Variants in PDE4B observed in about 807,000 individuals in gnomAD.
PDE4B encodes the protein 3',5'-cyclic-AMP phosphodiesterase 4B.
A neutral mutation model predicts 82.2 loss-of-function variants in PDE4B; 20 were observed. The ratio of observed to expected loss-of-function variants is 0.24; its 90% confidence interval spans 0.17 to 0.35. PDE4B has a LOEUF of 0.35. PDE4B is among the 10% of genes least tolerant of loss of function. The pLI is 1.00. For synonymous variants in PDE4B, 320 were observed against 318.9 expected, an observed-to-expected ratio of 1.00 and a Z score of -0.04; for missense variants, 655 against 907.2, an observed-to-expected ratio of 0.72 and a Z score of 3.57.
intron 1 of PDE4B, among the ~76,000 whole-genome samples, chr1:65,904,813 C>G (rs1275313482): frequency 6.6e-6 from 1 of 152,072 alleles, no homozygotes; most frequent in Non-Finnish European, 1.5e-5. Flanking sequence ...CAGAATTCTC[C>G]CCTGCAAAAT....
At chr1:65,855,996 A>G (rs1646388371) in intron 1 of PDE4B, among the ~76,000 whole-genome samples, 1 of 152,108 alleles carries the variant, frequency 6.6e-6, no homozygotes, top group African/African-American at 2.4e-5. Context: ...GGGAGACTAC[A>G]TGTGGGCTCA....
intron 8 of PDE4B, among the ~76,000 whole-genome samples, chr1:66,353,054 C>G (rs1487501637): frequency 1.3e-5 from 2 of 152,210 alleles, no homozygotes; most frequent in Non-Finnish European, 2.9e-5. Context: ...TCTTCAGCTT[C>G]TGAGTCTTCA....
Position 65,866,614 on chromosome 1 carries a change from G to A in PDE4B, c.-70-46631G>A, listed in dbSNP as rs531145881. Among the ~76,000 whole-genome samples, 230 of 152,168 alleles carry A rather than the reference G, an allele frequency of 1.5e-3. 1 individual carries two copies. The highest frequency in any genetic ancestry group is 5.4e-3 in the African/African-American group (226 of 41,500). ...GAATCCTAAAATATTACTAGGTCAC[G>A]TAAAGCTACCAACAGCAATAATACC... On this transcript the variant is annotated intron_variant, in intron 1 of 16. Transcript: ENST00000341517.
chr1:66,189,145 A>T (rs1490306886), intron 3 of PDE4B, among the ~76,000 whole-genome samples: 1 of 152,024 alleles, frequency 6.6e-6, no homozygotes, highest in Non-Finnish European at 1.5e-5. Context: ...TTTCTTTAAG[A>T]ATGTTGAATA....
chr1:65,883,586 A>G (rs967994564), intron 1 of PDE4B, among the ~76,000 whole-genome samples: 1 of 152,146 alleles, frequency 6.6e-6, no homozygotes. Flanking sequence ...TAGATATACA[A>G]TCATGTCATC....
chr1:66,326,018 G>T (rs1394755034), intron 7 of PDE4B, among the ~76,000 whole-genome samples: 1 of 152,170 alleles, frequency 6.6e-6, no homozygotes, highest in Non-Finnish European at 1.5e-5. Context: ...ACTCTACTGT[G>T]TTCCACTGAA....
chr1:66,368,921 A>G lies in PDE4B; in HGVS notation c.1797A>G (p.Glu599=), dbSNP rs370428408. 17 of 1,613,330 alleles carry G rather than the reference A, an allele frequency of 1.1e-5. No individual in the cohort carries two copies. The highest frequency in any genetic ancestry group is 1.3e-5 in the African/African-American group (1 of 74,890). Residue 599 remains glutamate (E), a synonymous_variant, in exon 16 of 17, where the codon GAA becomes GAG. Coordinates refer to ENST00000341517, the MANE Select transcript of PDE4B (RefSeq NM_002600.4). ...QGDKERERGM[E]ISPMCDKHTA... Reference sequence around the variant, plus strand: ...ACAAAGAGCGGGAGAGGGGAATGGAAATTAGCCCAATGTGTGATAAACACA... The same window carrying G: ...ACAAAGAGCGGGAGAGGGGAATGGAGATTAGCCCAATGTGTGATAAACACA...
At chr1:66,164,560 A>T (rs930017902) in intron 3 of PDE4B, among the ~76,000 whole-genome samples, 2 of 137,712 alleles carry the variant, frequency 1.5e-5, no homozygotes, top group Non-Finnish European at 3.1e-5. Context: ...AAAAAAAAAA[A>T]AAGAAAGAAA....
At chr1:66,189,191 G>C (rs1647494093) in intron 3 of PDE4B, among the ~76,000 whole-genome samples, 1 of 152,066 alleles carries the variant, frequency 6.6e-6, no homozygotes, top group Non-Finnish European at 1.5e-5. Flanking sequence ...TAGAGTTTCT[G>C]CCAAGAGATC....
chr1:65,935,108 G>C (rs1472356759), intron 3 of PDE4B, among the ~76,000 whole-genome samples: 2 of 151,958 alleles, frequency 1.3e-5, no homozygotes, highest in East Asian at 3.9e-4. Context: ...TCACATGTCA[G>C]GTCACAAAAC....
At position 65,956,591 on chromosome 1, in the gene PDE4B, A is replaced by G. The variant is rs537458796; in HGVS notation, c.281+37756A>G. Among the ~76,000 whole-genome samples the G allele has an allele frequency of 1.6e-3, 244 of 152,268 alleles. 1 individual carries two copies. Among genetic ancestry groups the G allele is most frequent in the Non-Finnish European group, 2.9e-3 (194 of 68,014 alleles). ...GAGTTTCCTTATTGTTTGCTTCTCCAGTGACTTTGCAATAACCTAGCAAAC... is the reference window on the plus strand; with the variant it reads ...GAGTTTCCTTATTGTTTGCTTCTCCGGTGACTTTGCAATAACCTAGCAAAC... On this transcript the variant is annotated intron_variant, in intron 3 of 16. Coordinates refer to ENST00000341517, the MANE Select transcript of PDE4B (RefSeq NM_002600.4).
intron 1 of PDE4B, among the ~76,000 whole-genome samples, chr1:65,808,755 G>T (rs1459278949): frequency 1.3e-5 from 2 of 152,204 alleles, no homozygotes. Flanking sequence ...ATGAATGTGG[G>T]TAGTACAAAA....
intron 10 of PDE4B, among the ~76,000 whole-genome samples, chr1:66,362,487 AC>A (rs1433931674): frequency 6.6e-6 from 1 of 152,166 alleles, no homozygotes; most frequent in Non-Finnish European, 1.5e-5. Context: ...GGTTGATTAA[AC>A]ATTAGGCCAA....
intron 3 of PDE4B, among the ~76,000 whole-genome samples, chr1:66,130,048 A>C (rs1645908121): frequency 6.6e-6 from 1 of 152,230 alleles, no homozygotes; most frequent in Non-Finnish European, 1.5e-5. Flanking sequence ...ACAAATCCCC[A>C]AAATTCCAAC....
At chr1:65,926,958 C>T in intron 3 of PDE4B, among the ~76,000 whole-genome samples, 1 of 151,996 alleles carries the variant, frequency 6.6e-6, no homozygotes, top group East Asian at 1.9e-4. Flanking sequence ...GAGTGGAGTA[C>T]ATTATTTAAA....
chr1:66,075,688 G>C (rs904059380), intron 3 of PDE4B, among the ~76,000 whole-genome samples: 3 of 151,936 alleles, frequency 2.0e-5, no homozygotes, highest in Non-Finnish European at 4.4e-5. Flanking sequence ...TTGGAGCCCT[G>C]GCCTTGCTGC....
intron 3 of PDE4B, among the ~76,000 whole-genome samples, chr1:65,944,278 G>A (rs1330095509): frequency 6.6e-6 from 1 of 151,750 alleles, no homozygotes; most frequent in Non-Finnish European, 1.5e-5. Context: ...ATTTGCATAT[G>A]TTGAATCATC....
intron 12 of PDE4B, among the ~76,000 whole-genome samples, chr1:66,365,365 A>G (rs1045617816): frequency 2.6e-5 from 4 of 152,222 alleles, no homozygotes; most frequent in African/African-American, 9.6e-5. Context: ...ATGCTGCCAC[A>G]TCACTGGTCC....
chr1:66,266,882 CAATT>C, intron 7 of PDE4B: 1 of 329,260 alleles, frequency 3.0e-6, no homozygotes, highest in Non-Finnish European at 6.1e-6. Flanking sequence ...ACAGGAGAAA[CAATT>C]AAGATGAACT....
Sources: gnomAD v4.1 joint callset for allele counts (sites outside exome capture counted in the v4.1 genomes callset) on GRCh38, gnomAD v4.1.1 for gene constraint, MANE v1.5 for transcripts, NCBI Gene and HGNC (gene_info 2026-07-23, HGNC 2026-07-21) for gene names.